The following EMC1 variants were observed in gnomAD, a reference collection of about 807,000 sequenced individuals.
EMC1 encodes ER membrane protein complex subunit 1, also known as KIAA0090.
EMC1 carries 103 observed loss-of-function variants against 128.8 expected under a neutral mutation model. That is an observed-to-expected ratio of 0.80 (90% CI 0.68 to 0.94). EMC1 has a LOEUF of 0.94. EMC1 is among the 40% of genes least tolerant of loss of function. The probability of loss-of-function intolerance (pLI) is 0.00; values close to 1 mark genes in which losing one functional copy is unlikely to be tolerated. For missense variants in EMC1, 1,083 were observed against 1,250.6 expected, an observed-to-expected ratio of 0.87 and a Z score of 2.02; for synonymous variants, 442 against 490.4, an observed-to-expected ratio of 0.90 and a Z score of 1.30.
At position 19,219,495 on chromosome 1, in the gene EMC1, T is replaced by G; in HGVS notation, c.2803-13A>C. On this transcript the variant is annotated splice_polypyrimidine_tract_variant and intron_variant, in intron 22 of 22. Transcript: ENST00000477853. The stretch of plus-strand genomic sequence containing the variant: ...CATAGGCCACAACCTGGAAGGCAGA[T>G]GGAATAAGAATTAGGAAAGAAACAA... The G allele has an allele frequency of 1.9e-6, 3 of 1,613,758 alleles. No individual in the cohort carries two copies. The South Asian group carries it at 3.3e-5, about 18-fold the overall frequency.
Position 19,251,411 on chromosome 1 carries a change from G to A in EMC1, c.95+4C>T, listed in dbSNP as rs1203135959. 11 of 1,612,394 alleles carry A rather than the reference G, an allele frequency of 6.8e-6. No homozygotes were observed. Among genetic ancestry groups the A allele is most frequent in the Non-Finnish European group, 9.3e-6 (11 of 1,178,424 alleles). Reference sequence around the variant, plus strand: ...TCTCTCGAATATGTTCCACACGTACGCACCAATCAAACTTGCCCACTTGGT... The same window carrying A: ...TCTCTCGAATATGTTCCACACGTACACACCAATCAAACTTGCCCACTTGGT... On this transcript the variant is annotated splice_donor_region_variant and intron_variant, in intron 1 of 22. Coordinates refer to ENST00000477853, the MANE Select transcript of EMC1 (RefSeq NM_015047.3).
At chr1:19,237,993 C>G in intron 11 of EMC1, 24 bp downstream of exon 11, 12 of 1,610,770 alleles carry the variant, frequency 7.4e-6, no homozygotes, top group Non-Finnish European at 1.0e-5. Context: ...ACAGGACAGT[C>G]TGCAAAGAAA....
chr1:19,246,445 C>A (rs1406744112), intron 1 of EMC1, among the ~76,000 whole-genome samples: 1 of 151,938 alleles, frequency 6.6e-6, no homozygotes, highest in Non-Finnish European at 1.5e-5. Context: ...AGTAATGCCT[C>A]CTTATTACAG....
intron 3 of EMC1, 61 bp downstream of exon 3, chr1:19,243,889 G>A: frequency 6.3e-7 from 1 of 1,577,938 alleles, no homozygotes; most frequent in South Asian, 1.1e-5. Context: ...ACAGATCAAG[G>A]AGCCAAGGAA....
chr1:19,244,867 C>G (rs1204853864), intron 2 of EMC1, 39 bp downstream of exon 2: 1 of 1,610,790 alleles, frequency 6.2e-7, no homozygotes, highest in Non-Finnish European at 8.5e-7. Context: ...GTCTTTCATC[C>G]CTGAGGCAGC....
chr1:19,231,420 C>A lies in EMC1; in HGVS notation c.1785G>T (p.Glu595Asp). ...AGACATACAGAGAACTCATTCCCGA[C>A]TCCTAAAATGAGCAAACTGTCAGGC... The part of the protein sequence containing the change: ...PQCTLLVKDK[E>D]SGMSSLYVFN... Residue 595 changes from glutamate to aspartate, a missense_variant and splice_region_variant, in exon 16 of 23, where the codon GAG (glutamate) becomes GAT (aspartate). Glu to Asp is a conservative substitution (Grantham distance 45). This residue lies in a region of EMC1 where 527 missense variants were observed against 644.1 expected (regional missense o/e 0.82). Transcript: ENST00000477853. The A allele has an allele frequency of 6.2e-7, 1 of 1,611,590 alleles. No homozygotes were observed. The highest frequency in any genetic ancestry group is 8.5e-7 in the Non-Finnish European group (1 of 1,179,410).
chr1:19,249,499 A>G (rs1289597194), intron 1 of EMC1, among the ~76,000 whole-genome samples: 1 of 152,234 alleles, frequency 6.6e-6, no homozygotes, highest in African/African-American at 2.4e-5. Context: ...CATATAGCCT[A>G]GGTGTGTAGT....
intron 15 of EMC1, among the ~76,000 whole-genome samples, chr1:19,231,804 TG>T (rs1473895155): frequency 1.3e-5 from 2 of 152,214 alleles, no homozygotes; most frequent in African/African-American, 4.8e-5. Context: ...TTTTATTTTT[TG>T]TAGAGAGGGG....
intron 17 of EMC1, among the ~76,000 whole-genome samples, chr1:19,230,464 G>T (rs1314929552): frequency 6.6e-6 from 1 of 152,188 alleles, no homozygotes; most frequent in Admixed American, 6.5e-5. Context: ...CAGCTACTTG[G>T]GTGTCTGAGG....
chr1:19,240,249 C>T (rs1343385990), intron 7 of EMC1, 48 bp downstream of exon 7: 1 of 1,610,268 alleles, frequency 6.2e-7, no homozygotes, highest in South Asian at 1.1e-5. Flanking sequence ...ACTTTCTACT[C>T]CCCGCAGGAA....
chr1:19,240,501 C>T (rs575699868), intron 6 of EMC1, 55 bp from the exon 7 acceptor site: 1 of 1,594,526 alleles, frequency 6.3e-7, no homozygotes, highest in African/African-American at 1.3e-5. Context: ...ACATTTCCCT[C>T]TCAGCCCAAC....
At chr1:19,219,545 A>C (rs1281675850) in intron 22 of EMC1, 24 bp downstream of exon 22, 4 of 1,613,918 alleles carry the variant, frequency 2.5e-6, no homozygotes, top group Admixed American at 1.7e-5. Flanking sequence ...AGGGTGAAAT[A>C]GGGCAGCTGT....
intron 18 of EMC1, 35 bp downstream of exon 18, chr1:19,227,278 C>G (rs760008190): frequency 6.2e-7 from 1 of 1,612,680 alleles, no homozygotes; most frequent in South Asian, 1.1e-5. Context: ...GATTCGAAAG[C>G]CCTTGCTGTA....
chr1:19,229,077 GTGT>G (rs1558097802), intron 17 of EMC1, among the ~76,000 whole-genome samples: 10 of 152,078 alleles, frequency 6.6e-5, no homozygotes, highest in African/African-American at 2.4e-4. Context: ...AGCCACACAC[GTGT>G]GTCCACACAG....
intron 1 of EMC1, among the ~76,000 whole-genome samples, chr1:19,249,512 G>C (rs1331283884): frequency 6.6e-6 from 1 of 152,172 alleles, no homozygotes; most frequent in Non-Finnish European, 1.5e-5. Context: ...TGTGTAGTAG[G>C]CTAAACCATC....
chr1:19,235,088 C>G (rs1341688262), intron 13 of EMC1, 42 bp downstream of exon 13: 2 of 1,602,216 alleles, frequency 1.2e-6, no homozygotes, highest in Admixed American at 1.7e-5. Context: ...TCCAGACTGG[C>G]CCCTCCAGCA....
At chr1:19,251,119 G>C (rs2093657143) in intron 1 of EMC1, among the ~76,000 whole-genome samples, 1 of 152,186 alleles carries the variant, frequency 6.6e-6, no homozygotes, top group East Asian at 1.9e-4. Flanking sequence ...AATCGAACCT[G>C]ACGAGGGAGG....
At position 19,239,304 on chromosome 1, in the gene EMC1, T is replaced by C; in HGVS notation, c.955-2A>G. ...GGTGGCAAAGCTCACTAGGGCAGTC[T>C]GGGGGAAAAGCAAGGCATCAGCTCC... On this transcript the variant is annotated splice_acceptor_variant, in intron 8 of 22. Transcript: ENST00000477853. LOFTEE classifies it high-confidence loss of function. The C allele has an allele frequency of 6.2e-7, 1 of 1,614,000 alleles. No homozygotes were observed. Among genetic ancestry groups the C allele is most frequent in the Non-Finnish European group, 8.5e-7 (1 of 1,179,900 alleles).
intron 1 of EMC1, among the ~76,000 whole-genome samples, chr1:19,246,546 GTC>G (rs2093632831): frequency 6.6e-6 from 1 of 152,014 alleles, no homozygotes; most frequent in South Asian, 2.1e-4. Context: ...ACTTTGGAAG[GTC>G]CAGGCATGCC....
Sources: allele counts gnomAD v4.1 joint callset (sites outside exome capture counted in the v4.1 genomes callset), GRCh38; gene constraint gnomAD v4.1.1; regional missense constraint gnomAD v4.1.1; transcripts MANE v1.5; gene names NCBI Gene and HGNC (gene_info 2026-07-23, HGNC 2026-07-21).